The following RASGRF1 variants were observed in gnomAD, a reference collection of about 807,000 sequenced individuals.
The protein encoded by RASGRF1 is ras-specific guanine nucleotide-releasing factor 1.
Under a neutral mutation model 138.7 loss-of-function variants are expected in RASGRF1, and 40 were observed. That is an observed-to-expected ratio of 0.29 (90% CI 0.22 to 0.38). RASGRF1 has a LOEUF of 0.38. Among genes scored for constraint, RASGRF1 ranks in the 10% least tolerant of loss-of-function variants. RASGRF1 has a pLI of 1.00. For synonymous variants in RASGRF1, 614 were observed against 663.2 expected (o/e 0.93, Z 1.14); for missense variants, 1,108 against 1,650.4 (o/e 0.67, Z 5.69).
chr15:79,062,409 A>G (rs1231876073), intron 2 of RASGRF1, among the ~76,000 whole-genome samples: 2 of 152,218 alleles, frequency 1.3e-5, no homozygotes, highest in Admixed American at 1.3e-4. Context: ...CTCCCCTTGT[A>G]TAAAACCCTC....
intron 5 of RASGRF1, among the ~76,000 whole-genome samples, chr15:79,045,400 A>G (rs1357514919): frequency 6.6e-6 from 1 of 152,240 alleles, no homozygotes; most frequent in African/African-American, 2.4e-5. Flanking sequence ...GATTTCACAC[A>G]CACCTAATTC....
At chr15:79,084,985 CCT>C (rs1194786346) in intron 1 of RASGRF1, among the ~76,000 whole-genome samples, 1 of 152,162 alleles carries the variant, frequency 6.6e-6, no homozygotes, top group African/African-American at 2.4e-5. Flanking sequence ...AGGGCTTCCA[CCT>C]CTCTCACCTG....
At position 78,962,139 on chromosome 15, in the gene RASGRF1, C is replaced by T; in HGVS notation, c.*5G>A. On this transcript the variant is annotated 3_prime_UTR_variant, in exon 27 of 27. Transcript: ENST00000558480. ...GGAGCAGCTGGGTCTGGGCTGGGCTCAGCTTCAGGTGGGGAGTTTTGGTTC... is the reference window on the plus strand; with the variant it reads ...GGAGCAGCTGGGTCTGGGCTGGGCTTAGCTTCAGGTGGGGAGTTTTGGTTC... The T allele has an allele frequency of 6.5e-7, 1 of 1,545,624 alleles. No individual in the cohort carries two copies. The highest frequency in any genetic ancestry group is 8.9e-7 in the Non-Finnish European group (1 of 1,127,290).
intron 25 of RASGRF1, among the ~76,000 whole-genome samples, 191 bp from the exon 26 acceptor site, chr15:78,972,125 T>C (rs561655369): frequency 1.3e-5 from 2 of 152,308 alleles, no homozygotes; most frequent in African/African-American, 4.8e-5. Flanking sequence ...AGATGGAGTC[T>C]CACTCTGTCG....
At chr15:79,057,443 C>G (rs1195130707) in intron 3 of RASGRF1, among the ~76,000 whole-genome samples, 1 of 152,190 alleles carries the variant, frequency 6.6e-6, no homozygotes, top group Non-Finnish European at 1.5e-5. Context: ...CACATCAGAC[C>G]CTGCAAATTA....
intron 9 of RASGRF1, among the ~76,000 whole-genome samples, chr15:79,025,978 C>T (rs1211892996): frequency 4.0e-5 from 6 of 151,594 alleles, no homozygotes; most frequent in Non-Finnish European, 5.9e-5. Context: ...ACAGCCATGG[C>T]AGGCATCACC....
rs758415767 is a variant in RASGRF1, at chr15:79,072,267, C to CTTTTTTTTTTTTTTTT, written c.277-7757_277-7742dup. Among the ~76,000 whole-genome samples the CTTTTTTTTTTTTTTTT allele has an allele frequency of 4.9e-3, 303 of 61,572 alleles. 65 individuals are homozygous for CTTTTTTTTTTTTTTTT. The highest frequency in any genetic ancestry group is 0.019 in the Middle Eastern group (1 of 52). The allele number at this position is 61,572 out of a possible 152,430, so 40.4% of individuals were successfully genotyped here. A position where few individuals can be genotyped will look rare whatever the true frequency, so the allele number is the denominator to read the frequency against. On this transcript the variant is annotated intron_variant, in intron 1 of 26. Coordinates refer to ENST00000558480, the MANE Select transcript of RASGRF1 (RefSeq NM_001145648.3). ...TTTCTGGGAGTTCTTGATAAACAAT[C>CTTTTTTTTTTTTTTTT]TTTTTTTTTTTTTTTTTTTTTTTTT...
At chr15:79,083,612 G>A (rs1368261609) in intron 1 of RASGRF1, among the ~76,000 whole-genome samples, 1 of 152,168 alleles carries the variant, frequency 6.6e-6, no homozygotes, top group African/African-American at 2.4e-5. Flanking sequence ...CTTTCTCCAT[G>A]TATTTTGGCA....
intron 5 of RASGRF1, among the ~76,000 whole-genome samples, chr15:79,044,356 A>C (rs1409274895): frequency 6.6e-6 from 1 of 151,716 alleles, no homozygotes; most frequent in Non-Finnish European, 1.5e-5. Context: ...CTCAGACACC[A>C]CCTCCTCCAG....
chr15:78,979,254 G>C lies in RASGRF1; in HGVS notation c.3494+1366C>G, dbSNP rs2055961969. The C allele has an allele frequency of 5.9e-6, 7 of 1,176,938 alleles. No homozygotes were observed. In the South Asian group the frequency reaches 1.0e-4, roughly 18 times the overall value. The allele number at this position is 1,176,938 out of a possible 1,614,324, so 72.9% of individuals were successfully genotyped here. ...GATGGTCAAGGCGATGGCACACAGA[G>C]CTGGCAAAGGACAGACCAAATGCGG... is the stretch of plus-strand genomic sequence containing the variant. On this transcript the variant is annotated intron_variant, in intron 24 of 26. Coordinates refer to ENST00000558480, the MANE Select transcript of RASGRF1 (RefSeq NM_001145648.3).
Position 78,995,758 on chromosome 15 carries a change from C to T in RASGRF1, c.3009G>A (p.Leu1003=), listed in dbSNP as rs756619146. 2 of 1,614,058 alleles carry T rather than the reference C, an allele frequency of 1.2e-6. No homozygotes were observed. The highest frequency in any genetic ancestry group is 2.2e-5 in the East Asian group (1 of 44,886). The change falls in exon 20 of 27, where the codon CTG becomes CTA. Residue 1003 remains leucine (L), a synonymous_variant. Coordinates refer to ENST00000558480, the MANE Select transcript of RASGRF1 (RefSeq NM_001145648.3). ...QEDPGDNQIT[L]EEITQMAEGV... Reference sequence around the variant, plus strand: ...AGCTCACCATCTGCGTGATCTCCTCCAGCGTGATCTGGTTGTCACCTGGGT... The same window carrying T: ...AGCTCACCATCTGCGTGATCTCCTCTAGCGTGATCTGGTTGTCACCTGGGT...
intron 5 of RASGRF1, among the ~76,000 whole-genome samples, chr15:79,037,139 A>G (rs1805765685): frequency 6.6e-6 from 1 of 152,128 alleles, no homozygotes; most frequent in African/African-American, 2.4e-5. Context: ...AATTTTAAGA[A>G]TTTTGGGAGT....
In RASGRF1 at chr15:79,006,073, A is replaced by G; in HGVS notation, c.2075+113T>C. ...GTGTCCCGCAGCACCCCAACACGTTACTGCTGCTCCTCCAGGGACCTTCCA... is the reference window on the plus strand; with the variant it reads ...GTGTCCCGCAGCACCCCAACACGTTGCTGCTGCTCCTCCAGGGACCTTCCA... On this transcript the variant is annotated intron_variant, in intron 14 of 26. Coordinates refer to ENST00000558480, the MANE Select transcript of RASGRF1 (RefSeq NM_001145648.3). This position sits in a 1 kb window ranked among gnomAD's most constrained non-coding sequence, Gnocchi z 4.0. 1.4e-6 allele frequency: 2 copies of G among 1,446,916 alleles called. No individual in the cohort carries two copies. Among genetic ancestry groups the G allele is most frequent in the Non-Finnish European group, 1.9e-6 (2 of 1,058,270 alleles). The allele number at this position is 1,446,916 out of a possible 1,614,324, so 89.6% of individuals were successfully genotyped here.
At chr15:78,988,455 C>G (rs137949931) in intron 22 of RASGRF1, among the ~76,000 whole-genome samples, 1 of 152,186 alleles carries the variant, frequency 6.6e-6, no homozygotes, top group African/African-American at 2.4e-5. Flanking sequence ...CTGAGAGGCA[C>G]ACGAGTCTCC....
At chr15:79,086,235 G>A (rs995519423) in intron 1 of RASGRF1, among the ~76,000 whole-genome samples, 2 of 152,136 alleles carry the variant, frequency 1.3e-5, no homozygotes, top group South Asian at 2.1e-4. Flanking sequence ...TGCTTTTAGA[G>A]CAACCTTATT....
chr15:78,963,957 G>T (rs1201937287), intron 26 of RASGRF1, among the ~76,000 whole-genome samples: 1 of 152,074 alleles, frequency 6.6e-6, no homozygotes, highest in Non-Finnish European at 1.5e-5. Flanking sequence ...TGGGGATCAG[G>T]AAACTGATTA....
intron 5 of RASGRF1, among the ~76,000 whole-genome samples, chr15:79,045,197 G>A (rs1433415668): frequency 2.0e-5 from 3 of 152,158 alleles, no homozygotes; most frequent in Non-Finnish European, 4.4e-5. Flanking sequence ...AGCATCAGCA[G>A]CACCTGCAAG....
Position 79,047,008 on chromosome 15 carries a change from C to G in RASGRF1, c.625-9G>C. The stretch of plus-strand genomic sequence containing the variant: ...CGCAGGAAGCTCTGCACCTGAGCAG[C>G]AAGACCGGTGGGGAGAGGCTCCTGT... On this transcript the variant is annotated splice_polypyrimidine_tract_variant and intron_variant, in intron 4 of 26. Coordinates refer to ENST00000558480, the MANE Select transcript of RASGRF1 (RefSeq NM_001145648.3). 6.2e-7 allele frequency: 1 copy of G among 1,606,868 alleles called. No individual in the cohort carries two copies. The highest frequency in any genetic ancestry group is 2.2e-5 in the East Asian group (1 of 44,714).
At chr15:79,054,538 A>T (rs774103643) in intron 3 of RASGRF1, among the ~76,000 whole-genome samples, 1 of 152,166 alleles carries the variant, frequency 6.6e-6, no homozygotes, top group African/African-American at 2.4e-5. Flanking sequence ...CAGTCACGTG[A>T]CTTGCTTTGT....
Sources: allele counts gnomAD v4.1 joint callset (sites outside exome capture counted in the v4.1 genomes callset), GRCh38; gene constraint gnomAD v4.1.1; non-coding constraint Gnocchi (gnomAD v3.1); transcripts MANE v1.5; gene names NCBI Gene and HGNC (gene_info 2026-07-23, HGNC 2026-07-21).